TRRAP: variants seen among roughly 807,000 people sequenced by gnomAD.
The protein encoded by TRRAP is transformation/transcription domain-associated protein.
Under a neutral mutation model 438.8 loss-of-function variants are expected in TRRAP, and 41 were observed. That is an observed-to-expected ratio of 0.09 (90% CI 0.07 to 0.12). The LOEUF is 0.12. TRRAP is among the 10% of genes least tolerant of loss of function. The pLI is 1.00. For synonymous variants in TRRAP, 1,994 were observed against 1,962.9 expected (o/e 1.02, Z -0.42); for missense variants, 3,122 against 5,055.1 (o/e 0.62, Z 11.60).
intron 20 of TRRAP, among the ~76,000 whole-genome samples, chr7:98,920,216 A>C (rs1462484113): frequency 2.0e-5 from 3 of 152,218 alleles, no homozygotes; most frequent in African/African-American, 7.2e-5. Context: ...CACGCCTGTA[A>C]TCCCAGCACT....
At position 98,931,510 on chromosome 7, in the gene TRRAP, G is replaced by A. The variant is rs782109225; in HGVS notation, c.3697G>A (p.Ala1233Thr). ...GGAGAGAGCCGAAGAGATCGTGGCC[G>A]CCCAGGAAAAGTCTTTCCACCATGT... ...DEERAEEIVA[A>T]QEKSFHHVTH... Residue 1233 changes from alanine (A) to threonine (T), a missense_variant, in exon 26 of 73, where the codon GCC (alanine) becomes ACC (threonine). This residue lies in a region of TRRAP where 153 missense variants were observed against 223.0 expected (regional missense o/e 0.69). Transcript: ENST00000456197. 3.3e-5 allele frequency: 53 copies of A among 1,614,038 alleles called. No individual in the cohort carries two copies. In the African/African-American group the frequency reaches 4.5e-4, roughly 14 times the overall value.
At position 98,893,889 on chromosome 7, in the gene TRRAP, GT is replaced by G; in HGVS notation, c.450+11del. 1 of 1,611,858 alleles carries G rather than the reference GT, an allele frequency of 6.2e-7. No individual in the cohort carries two copies. Among genetic ancestry groups the G allele is most frequent in the Non-Finnish European group, 8.5e-7 (1 of 1,179,334 alleles). ...CCACCGATCACACAAGAAGTAAGTT[GT>G]TTAAAATCCTTATAGCATTTATAAA... On this transcript the variant is annotated intron_variant, in intron 6 of 72. Coordinates refer to ENST00000456197, the MANE Select transcript of TRRAP (RefSeq NM_001375524.1).
intron 33 of TRRAP, among the ~76,000 whole-genome samples, chr7:98,947,143 T>C (rs1791120527): frequency 6.6e-6 from 1 of 152,196 alleles, no homozygotes; most frequent in Non-Finnish European, 1.5e-5. Context: ...TTGGAACGTG[T>C]CCCTCCCTTG....
chr7:98,881,929 C>G (rs782776636), intron 2 of TRRAP, 46 bp from the exon 3 acceptor site: 10 of 1,585,040 alleles, frequency 6.3e-6, no homozygotes, highest in African/African-American at 1.4e-5. Flanking sequence ...AACATAATTT[C>G]CTTAACATAA....
In TRRAP at chr7:98,930,114, G is replaced by T. The variant is rs1790256766; in HGVS notation, c.3301G>T (p.Ala1101Ser). The change falls in exon 24 of 73, where the codon GCA (alanine) becomes TCA (serine). Residue 1101 changes from alanine to serine, a missense_variant. Transcript: ENST00000456197. The stretch of plus-strand genomic sequence containing the variant: ...CATTGATGCAATTGCTATTTGTATG[G>T]CATATGAAGAAAAGGAGCTTTGCAA... Reference protein sequence around the residue: ...VLIDAIAICMAYEEKELCKIG... With the variant: ...VLIDAIAICMSYEEKELCKIG... 6.2e-7 allele frequency: 1 copy of T among 1,614,070 alleles called. No individual in the cohort carries two copies. The highest frequency in any genetic ancestry group is 1.7e-5 in the Admixed American group (1 of 60,004).
At chr7:98,946,207 A>G (rs1791048310) in intron 33 of TRRAP, among the ~76,000 whole-genome samples, 1 of 152,206 alleles carries the variant, frequency 6.6e-6, no homozygotes, top group Non-Finnish European at 1.5e-5. Context: ...AATTATATTC[A>G]AGATTGAATT....
chr7:98,921,090 G>A (rs144091093), intron 20 of TRRAP, among the ~76,000 whole-genome samples: 4,166 of 152,306 alleles, frequency 0.027, 83 homozygotes, highest in South Asian at 0.055. Context: ...GCCCACCTCA[G>A]CCTCCCAAAG....
At chr7:98,941,334 C>G (rs1174010267) in intron 30 of TRRAP, among the ~76,000 whole-genome samples, 1 of 152,110 alleles carries the variant, frequency 6.6e-6, no homozygotes, top group Non-Finnish European at 1.5e-5. Flanking sequence ...CGCCACCGTG[C>G]CCGGCTAGTT....
At position 99,011,149 on chromosome 7, in the gene TRRAP, A is replaced by G. The variant is rs756237411; in HGVS notation, c.11036A>G (p.Tyr3679Cys). The G allele has an allele frequency of 1.9e-6, 3 of 1,614,018 alleles. No individual in the cohort carries two copies. The highest frequency in any genetic ancestry group is 1.7e-6 in the Non-Finnish European group (2 of 1,180,034). Residue 3679 changes from tyrosine to cysteine, a missense_variant, in exon 71 of 73, where the codon TAC becomes TGC. By Grantham distance (194) the Tyr-to-Cys change is radical. Coordinates refer to ENST00000456197, the MANE Select transcript of TRRAP (RefSeq NM_001375524.1). The surrounding 1 kb of genome is among the most constrained non-coding windows in gnomAD (Gnocchi z 7.1). ...ALHTFPNATDYWTFRKMFTIQ... is the reference protein window; with the variant it reads ...ALHTFPNATDCWTFRKMFTIQ... ...CACACCTTCCCCAATGCCACGGACT[A>G]CTGGACGTTCCGGAAGATGTTCACC...
rs1554419986 is a variant in TRRAP, at chr7:98,956,938, A to G, written c.6231+405A>G. Among the ~76,000 whole-genome samples, 1 of 151,292 alleles carries G rather than the reference A, an allele frequency of 6.6e-6. No homozygotes were observed. The highest frequency in any genetic ancestry group is 2.4e-5 in the African/African-American group (1 of 41,070). ...CCCCTTGTGGAGTGGTGGCCCTAGGAGCCCTGAGTCTGACCCCAGCTGGTG... is the reference window on the plus strand; with the variant it reads ...CCCCTTGTGGAGTGGTGGCCCTAGGGGCCCTGAGTCTGACCCCAGCTGGTG... On this transcript the variant is annotated intron_variant, in intron 43 of 72. Coordinates refer to ENST00000456197, the MANE Select transcript of TRRAP (RefSeq NM_001375524.1). The surrounding 1 kb of genome is among the most constrained non-coding windows in gnomAD (Gnocchi z 4.5).
At chr7:98,982,424 G>C (rs562671942) in intron 59 of TRRAP, among the ~76,000 whole-genome samples, 2 of 152,218 alleles carry the variant, frequency 1.3e-5, no homozygotes, top group African/African-American at 4.8e-5. Context: ...ATTGAACTAA[G>C]TGTTATGTTT....
intron 18 of TRRAP, 147 bp from the exon 19 acceptor site, chr7:98,915,576 A>C (rs565888079): frequency 3.8e-5 from 34 of 891,232 alleles, no homozygotes; most frequent in Middle Eastern, 3.6e-4. Context: ...TAAAGATTGG[A>C]ATATGCTTGT....
At chr7:98,899,389 G>A (rs1796370616) in intron 8 of TRRAP, 33 bp from the exon 9 acceptor site, 1 of 1,606,984 alleles carries the variant, frequency 6.2e-7, no homozygotes, top group South Asian at 1.1e-5. Context: ...TGCCACAATG[G>A]TAACCCGGGT....
chr7:98,900,304 G>T (rs1584284675), intron 10 of TRRAP, among the ~76,000 whole-genome samples: 1 of 152,120 alleles, frequency 6.6e-6, no homozygotes, highest in Non-Finnish European at 1.5e-5. Flanking sequence ...CCATCGCCAC[G>T]GCCCTAGTTG....
At chr7:99,008,684 T>G in intron 70 of TRRAP, 123 bp downstream of exon 70, 3 of 1,063,660 alleles carry the variant, frequency 2.8e-6, no homozygotes, top group Non-Finnish European at 4.0e-6. Flanking sequence ...CTCTGTCATT[T>G]AAAGTAACTT....
chr7:98,881,743 GTGTGTGTT>G (rs1234686697), intron 2 of TRRAP: 4 of 474,170 alleles, frequency 8.4e-6, no homozygotes, highest in African/African-American at 7.9e-5. Context: ...AGAGGCACGT[GTGTGTGTT>G]TGTGTGTGTG....
chr7:98,887,729 C>A (rs868953232), intron 3 of TRRAP, among the ~76,000 whole-genome samples: 391 of 88,564 alleles, frequency 4.4e-3, no homozygotes, highest in Middle Eastern at 7.1e-3. Context: ...AACTCCGTCT[C>A]AAAAAAAAAA....
At chr7:98,965,586 C>T (rs1792117156) in intron 48 of TRRAP, 110 bp from the exon 49 acceptor site, 1 of 1,467,230 alleles carries the variant, frequency 6.8e-7, no homozygotes. Flanking sequence ...CAGGAAAAAA[C>T]ATTGAGGGGG....
At position 98,978,193 on chromosome 7, in the gene TRRAP, A is replaced by G; in HGVS notation, c.8386-18A>G. 1 of 1,597,522 alleles carries G rather than the reference A, an allele frequency of 6.3e-7. No individual in the cohort carries two copies. Among genetic ancestry groups the G allele is most frequent in the Non-Finnish European group, 8.6e-7 (1 of 1,168,666 alleles). On this transcript the variant is annotated intron_variant, in intron 56 of 72. Transcript: ENST00000456197. The stretch of plus-strand genomic sequence containing the variant: ...GTTTCTAGTTAAACAGTGATTTAAA[A>G]ACATTAACTTTTTTTAGGCACAAGA...
Sources: gnomAD v4.1 joint callset for allele counts (sites outside exome capture counted in the v4.1 genomes callset) on GRCh38, gnomAD v4.1.1 for gene constraint, gnomAD v4.1.1 regional missense constraint, Gnocchi (gnomAD v3.1) non-coding constraint, MANE v1.5 for transcripts, NCBI Gene and HGNC (gene_info 2026-07-23, HGNC 2026-07-21) for gene names.